STX12: variants seen among roughly 807,000 people sequenced by gnomAD.
STX12 encodes the protein syntaxin-12.
A neutral mutation model predicts 42.2 loss-of-function variants in STX12; 17 were observed. The observed-to-expected ratio is 0.40, with a 90% CI of 0.28 to 0.60. The LOEUF is 0.60. Among genes scored for constraint, STX12 ranks in the 20% least tolerant of loss-of-function variants. STX12 has a pLI of 0.39. For missense variants in STX12, 297 were observed against 330.9 expected (o/e 0.90, Z 0.79); for synonymous variants, 108 against 116.7 (o/e 0.93, Z 0.48).
chr1:27,810,148 G>A lies in STX12; in HGVS notation c.427-98G>A, dbSNP rs2088893145. The A allele has an allele frequency of 3.8e-6, 4 of 1,066,216 alleles. No individual in the cohort carries two copies. The Admixed American group carries it at 5.8e-5, about 15-fold the overall frequency. The allele number at this position is 1,066,216 out of a possible 1,614,324, so 66.0% of individuals were successfully genotyped here. A position where few individuals can be genotyped will look rare whatever the true frequency, so the allele number is the denominator to read the frequency against. On this transcript the variant is annotated intron_variant, in intron 4 of 8. Transcript: ENST00000373943. ...TCTTACAGATTCTGTGGGTGTCAAA[G>A]GATGTTGCTTCTTTATACTGTGCTA...
At chr1:27,792,144 CT>C (rs2088747479) in intron 2 of STX12, among the ~76,000 whole-genome samples, 4 of 91,304 alleles carry the variant, frequency 4.4e-5, no homozygotes, top group African/African-American at 1.1e-4. Flanking sequence ...ATGTATATAT[CT>C]ATATATGTGT....
intron 7 of STX12, 200 bp downstream of exon 7, chr1:27,818,123 C>G (rs1252863022): frequency 2.0e-6 from 1 of 506,444 alleles, no homozygotes; most frequent in African/African-American, 1.9e-5. Context: ...TGGCTCAGGC[C>G]TGTAATCCCA....
rs992081097 is a variant in STX12, at chr1:27,823,511, A to T, written c.*1182A>T. On this transcript the variant is annotated 3_prime_UTR_variant, in exon 9 of 9. Transcript: ENST00000373943. ...CCACTTCCCTTTTCCACAGGCCTAG[A>T]ACAGTTAAAGGGAACATAATTTGTT... 1.3e-5 allele frequency: 2 copies of T among 152,658 alleles called. No homozygotes were observed. Among genetic ancestry groups the T allele is most frequent in the Admixed American group, 1.3e-4 (2 of 15,274 alleles). 9.5% of individuals were successfully genotyped at this position (152,658 alleles called of 1,614,324 possible).
chr1:27,807,130 C>T (rs1330890326), intron 4 of STX12, among the ~76,000 whole-genome samples: 2 of 152,060 alleles, frequency 1.3e-5, no homozygotes, highest in African/African-American at 4.8e-5. Flanking sequence ...TTCATATAGT[C>T]ATGTAATGTG....
At chr1:27,806,997 A>G (rs181914209) in intron 4 of STX12, among the ~76,000 whole-genome samples, 194 of 152,264 alleles carry the variant, frequency 1.3e-3, no homozygotes, top group African/African-American at 4.2e-3. Context: ...TGGGATTACA[A>G]TTCGAGACGA....
At chr1:27,819,186 T>G (rs2088965615) in intron 7 of STX12, among the ~76,000 whole-genome samples, 1 of 150,398 alleles carries the variant, frequency 6.6e-6, no homozygotes. Flanking sequence ...GGAAGATCAC[T>G]TGAACCCAGG....
chr1:27,788,370 C>G (rs1268273899), intron 1 of STX12, among the ~76,000 whole-genome samples: 2 of 152,144 alleles, frequency 1.3e-5, no homozygotes, highest in Non-Finnish European at 1.5e-5. Context: ...CAGTAAGGGA[C>G]AGGAGTGTTC....
At chr1:27,777,624 C>A (rs139850445) in intron 1 of STX12, among the ~76,000 whole-genome samples, 2 of 152,154 alleles carry the variant, frequency 1.3e-5, no homozygotes, top group Non-Finnish European at 2.9e-5. Context: ...CGGTGACTCA[C>A]GCCTGTAATC....
intron 6 of STX12, among the ~76,000 whole-genome samples, chr1:27,816,836 A>C (rs2088946526): frequency 6.6e-6 from 1 of 151,760 alleles, no homozygotes; most frequent in Non-Finnish European, 1.5e-5. Flanking sequence ...GAATTGCTTG[A>C]ATCCGGGAGG....
At chr1:27,808,281 T>C (rs2088878101) in intron 4 of STX12, among the ~76,000 whole-genome samples, 1 of 151,804 alleles carries the variant, frequency 6.6e-6, no homozygotes, top group Admixed American at 6.6e-5. Context: ...AAAATGAAAA[T>C]ACATTGATTT....
chr1:27,820,931 A>T (rs1367100736), intron 8 of STX12, among the ~76,000 whole-genome samples: 4 of 151,062 alleles, frequency 2.6e-5, no homozygotes, highest in Non-Finnish European at 5.9e-5. Context: ...AGAACAAAAA[A>T]CCAAACACTG....
At chr1:27,801,652 C>G in intron 3 of STX12, 26 bp from the exon 4 acceptor site, 4 of 1,469,042 alleles carry the variant, frequency 2.7e-6, no homozygotes, top group Non-Finnish European at 3.6e-6. Flanking sequence ...AATATGAAAT[C>G]TCAAGTTCTT....
intron 1 of STX12, among the ~76,000 whole-genome samples, chr1:27,788,450 G>C (rs1476015551): frequency 6.6e-6 from 1 of 152,160 alleles, no homozygotes; most frequent in African/African-American, 2.4e-5. Flanking sequence ...CTGGACCTCT[G>C]CTTTCTTGGT....
intron 1 of STX12, among the ~76,000 whole-genome samples, chr1:27,788,310 A>G (rs1364000666): frequency 6.6e-6 from 1 of 152,230 alleles, no homozygotes; most frequent in African/African-American, 2.4e-5. Flanking sequence ...AGAAAAAGAA[A>G]ATAGAAAGCA....
At chr1:27,803,244 G>C (rs953649003) in intron 4 of STX12, among the ~76,000 whole-genome samples, 2 of 152,040 alleles carry the variant, frequency 1.3e-5, no homozygotes, top group Admixed American at 6.5e-5. Flanking sequence ...TCCCAAGCAG[G>C]ATAAATAAAA....
intron 1 of STX12, among the ~76,000 whole-genome samples, chr1:27,787,642 G>A (rs1473486110): frequency 6.6e-6 from 1 of 151,528 alleles, no homozygotes; most frequent in Admixed American, 6.6e-5. Context: ...CTGGCCGACA[G>A]AGTGAGACTC....
chr1:27,791,242 CAA>C (rs1296221743), intron 2 of STX12, among the ~76,000 whole-genome samples: 1 of 152,016 alleles, frequency 6.6e-6, no homozygotes, highest in Non-Finnish European at 1.5e-5. Flanking sequence ...GCCTGGGTGA[CAA>C]GAGCGAAACT....
At chr1:27,777,166 AAGC>A (rs1484936763) in intron 1 of STX12, among the ~76,000 whole-genome samples, 4 of 152,198 alleles carry the variant, frequency 2.6e-5, no homozygotes, top group Non-Finnish European at 5.9e-5. Flanking sequence ...TATGAAGAAA[AAGC>A]AGGGTAAGTG....
intron 1 of STX12, among the ~76,000 whole-genome samples, chr1:27,785,415 C>T (rs1304890265): frequency 6.6e-6 from 1 of 152,142 alleles, no homozygotes; most frequent in Non-Finnish European, 1.5e-5. Flanking sequence ...AAAAGTACTC[C>T]TTGGTTACAC....
Sources: gnomAD v4.1 joint callset for allele counts (sites outside exome capture counted in the v4.1 genomes callset) on GRCh38, gnomAD v4.1.1 for gene constraint, MANE v1.5 for transcripts, NCBI Gene and HGNC (gene_info 2026-07-23, HGNC 2026-07-21) for gene names.